ABLIM1: variants seen among roughly 807,000 people sequenced by gnomAD.
ABLIM1 encodes the protein actin-binding LIM protein 1.
Under a neutral mutation model 107.0 loss-of-function variants are expected in ABLIM1, and 40 were observed. The ratio of observed to expected loss-of-function variants is 0.37; its 90% CI spans 0.29 to 0.49. The LOEUF is 0.49. Among genes scored for constraint, ABLIM1 ranks in the 20% least tolerant of loss-of-function variants. ABLIM1 has a pLI of 0.97. For synonymous variants in ABLIM1, 357 were observed against 357.3 expected (o/e 1.00, Z 0.01); for missense variants, 857 against 1,008.5 (o/e 0.85, Z 2.04).
the ABLIM1 span, among the ~76,000 whole-genome samples, chr10:114,799,414 C>T: frequency 1.3e-5 from 2 of 152,240 alleles, no homozygotes; most frequent in African/African-American, 4.8e-5. Context: ...GTATATCCAA[C>T]TGCCTCTTCA....
rs185540145 is a variant in ABLIM1 at position 114,578,911 on chromosome 10, C to T, written c.380-3312G>A. ...AAGCGATTCTCCTGTCTCAGCCTCC[C>T]GAGTAGCTGGGATTACAGGTCCCTG... is the stretch of plus-strand genomic sequence containing the variant. On this transcript the variant is annotated intron_variant, in intron 2 of 22. Transcript: ENST00000533213. Among the ~76,000 whole-genome samples the T allele has an allele frequency of 6.9e-3, 1,052 of 151,668 alleles. 12 individuals are homozygous for T. Among genetic ancestry groups the T allele is most frequent in the African/African-American group, 0.024 (1,006 of 41,330 alleles).
At chr10:114,766,491 A>G (rs1376780393) in intron 1 of ABLIM1, among the ~76,000 whole-genome samples, 2 of 152,198 alleles carry the variant, frequency 1.3e-5, no homozygotes, top group Non-Finnish European at 2.9e-5. Context: ...TTCATTTCAC[A>G]TCCTCAGATA....
intron 8 of ABLIM1, among the ~76,000 whole-genome samples, chr10:114,485,951 C>T (rs1046872010): frequency 6.6e-6 from 1 of 152,136 alleles, no homozygotes; most frequent in South Asian, 2.1e-4. Flanking sequence ...GTGTGAACCC[C>T]GGCTCTGGGT....
At position 114,488,016 on chromosome 10, in the gene ABLIM1, C is replaced by A. The variant is rs2058433143; in HGVS notation, c.983G>T (p.Gly328Val). Residue 328 changes from glycine (G) to valine (V), a missense_variant and splice_region_variant, in exon 8 of 23, where the codon GGC becomes GTC. This residue lies in a region of ABLIM1 where 381 missense variants were observed against 506.9 expected (regional missense o/e 0.75). Transcript: ENST00000533213. ...ACAGTCGGGATGCCAAACGGTGGAG[C>A]CTGAGAAGACAGAATGCACTACTAA... is the stretch of plus-strand genomic sequence containing the variant. ...FTEGEEMYLQ[G>V]STVWHPDCKQ... 1 of 1,613,874 alleles carries A rather than the reference C, an allele frequency of 6.2e-7. No homozygotes were observed. The highest frequency in any genetic ancestry group is 8.5e-7 in the Non-Finnish European group (1 of 1,180,012).
chr10:114,557,028 A>C (rs1304253931), intron 4 of ABLIM1, among the ~76,000 whole-genome samples: 1 of 152,242 alleles, frequency 6.6e-6, no homozygotes, highest in East Asian at 1.9e-4. Context: ...AAGCAATACA[A>C]GGTCAGAAGA....
intron 1 of ABLIM1, among the ~76,000 whole-genome samples, chr10:114,708,587 A>G (rs1034427812): frequency 3.3e-5 from 5 of 152,242 alleles, no homozygotes; most frequent in Non-Finnish European, 5.9e-5. Flanking sequence ...ATAAGAAGAC[A>G]ACAAAAGGAA....
rs1003992509 is a variant in ABLIM1 at position 114,630,000 on chromosome 10, T to G, written c.244+27957A>C. ...CAGTGTCTAAGGGTTAAGATAATAC[T>G]AGTATGTGACCTCTTGGTGGCCTGT... On this transcript the variant is annotated intron_variant, in intron 1 of 22. Coordinates refer to ENST00000533213, the MANE Select transcript of ABLIM1 (RefSeq NM_002313.7). This position sits in a 1 kb window ranked among gnomAD's most constrained non-coding sequence, Gnocchi z 4.0. 6.6e-6 allele frequency among the ~76,000 whole-genome samples: 1 copy of G among 152,106 alleles called. No individual in the cohort carries two copies. Among genetic ancestry groups the G allele is most frequent in the Non-Finnish European group, 1.5e-5 (1 of 68,028 alleles).
At chr10:114,773,214 C>T in the ABLIM1 span, among the ~76,000 whole-genome samples, 5 of 152,076 alleles carry the variant, frequency 3.3e-5, 1 homozygote, top group South Asian at 4.2e-4. Flanking sequence ...AAAGGAAATA[C>T]AATATATACC....
intron 1 of ABLIM1, among the ~76,000 whole-genome samples, chr10:114,712,633 T>C (rs1379645858): frequency 2.0e-5 from 3 of 152,196 alleles, no homozygotes; most frequent in Non-Finnish European, 4.4e-5. Flanking sequence ...GTTGTCACCA[T>C]ATTGTGAGAC....
chr10:114,679,766 C>T (rs1246458565), intron 1 of ABLIM1, among the ~76,000 whole-genome samples: 2 of 152,054 alleles, frequency 1.3e-5, no homozygotes, highest in Non-Finnish European at 2.9e-5. Context: ...CCCCAGTTTT[C>T]GTCATCCTAA....
At chr10:114,468,242 G>C (rs1450953229) in intron 10 of ABLIM1, 26 bp from the exon 11 acceptor site, 1 of 1,607,732 alleles carries the variant, frequency 6.2e-7, no homozygotes, top group Non-Finnish European at 8.5e-7. Context: ...AGAATTTAAA[G>C]TCACAATGTT....
intron 1 of ABLIM1, among the ~76,000 whole-genome samples, chr10:114,638,558 T>A (rs1260516967): frequency 6.6e-6 from 1 of 152,088 alleles, no homozygotes; most frequent in Non-Finnish European, 1.5e-5. Flanking sequence ...GGGCCCTCTC[T>A]TTGGGTTACT....
chr10:114,665,782 A>T (rs1260707293), intron 1 of ABLIM1, among the ~76,000 whole-genome samples: 1 of 152,216 alleles, frequency 6.6e-6, no homozygotes, highest in African/African-American at 2.4e-5. Context: ...TGTGAGATGG[A>T]GCCCCCACAT....
intron 1 of ABLIM1, among the ~76,000 whole-genome samples, chr10:114,766,537 A>T (rs987695854): frequency 6.6e-6 from 1 of 152,180 alleles, no homozygotes; most frequent in African/African-American, 2.4e-5. Context: ...GCCAGAGACT[A>T]AATGAAATTG....
At chr10:114,481,317 A>G (rs1381142516) in intron 8 of ABLIM1, among the ~76,000 whole-genome samples, 1 of 151,690 alleles carries the variant, frequency 6.6e-6, no homozygotes, top group Non-Finnish European at 1.5e-5. Context: ...GGATGCAACA[A>G]CTATATTCAT....
chr10:114,677,110 G>A (rs555978118), intron 1 of ABLIM1, among the ~76,000 whole-genome samples: 35 of 152,210 alleles, frequency 2.3e-4, no homozygotes, highest in African/African-American at 7.9e-4. Flanking sequence ...GGACCCTCCT[G>A]GAACCCCTGG....
intron 1 of ABLIM1, among the ~76,000 whole-genome samples, chr10:114,631,048 C>G (rs2078142743): frequency 1.3e-5 from 2 of 152,170 alleles, no homozygotes; most frequent in African/African-American, 2.4e-5. Context: ...GGAATTGAAG[C>G]TGACAAGGCA....
chr10:114,534,140 C>T lies in ABLIM1; in HGVS notation c.894+10865G>A, dbSNP rs577842292. 2.0e-5 allele frequency among the ~76,000 whole-genome samples: 3 copies of T among 152,206 alleles called. No homozygotes were observed. The East Asian group carries it at 5.8e-4, about 29-fold the overall frequency. ...TCATTTAGAAGAAGGGGCATGATCACCCCTTTTATGTCTATAGTGGTAAAA... is the reference window on the plus strand; with the variant it reads ...TCATTTAGAAGAAGGGGCATGATCATCCCTTTTATGTCTATAGTGGTAAAA... On this transcript the variant is annotated intron_variant, in intron 6 of 22. Coordinates refer to ENST00000533213, the MANE Select transcript of ABLIM1 (RefSeq NM_002313.7).
chr10:114,436,498 GC>G, intron 22 of ABLIM1, 125 bp from the exon 23 acceptor site: 1 of 686,450 alleles, frequency 1.5e-6, no homozygotes, highest in Non-Finnish European at 2.4e-6. Context: ...CGGGAGAGGA[GC>G]CCATCTTTAA....
Sources: gnomAD v4.1 joint callset for allele counts (sites outside exome capture counted in the v4.1 genomes callset) on GRCh38, gnomAD v4.1.1 for gene constraint, gnomAD v4.1.1 regional missense constraint, Gnocchi (gnomAD v3.1) non-coding constraint, MANE v1.5 for transcripts, NCBI Gene and HGNC (gene_info 2026-07-23, HGNC 2026-07-21) for gene names.